The following EPB41L3 variants were observed in gnomAD, a reference collection of about 807,000 sequenced individuals.
The protein encoded by EPB41L3 is band 4.1-like protein 3.
EPB41L3 carries 57 observed loss-of-function variants against 127.1 expected under a neutral mutation model. The ratio of observed to expected loss-of-function variants is 0.45; its 90% CI spans 0.36 to 0.56. The LOEUF is 0.56. EPB41L3 is among the 20% of genes least tolerant of loss of function. The pLI is 0.00. For synonymous variants in EPB41L3, 572 were observed against 549.5 expected (o/e 1.04, Z -0.57); for missense variants, 1,273 against 1,372.2 (o/e 0.93, Z 1.14).
chr18:5,473,939 G>A (rs1192257232), intron 3 of EPB41L3, among the ~76,000 whole-genome samples: 1 of 152,020 alleles, frequency 6.6e-6, no homozygotes, highest in Non-Finnish European at 1.5e-5. Context: ...AATTAGTGAG[G>A]AAAGTCTCTC....
rs114631935 is a variant in EPB41L3 at position 5,452,081 on chromosome 18, G to A, written c.382-6837C>T. ...GGTCACTCGAACTCCCTGACCTCAA[G>A]TGATCCATCCACCTCGGCCTCCCAA... On this transcript the variant is annotated intron_variant, in intron 3 of 22. Transcript: ENST00000341928. Among the ~76,000 whole-genome samples, 1,113 of 152,186 alleles carry A rather than the reference G, an allele frequency of 7.3e-3. 14 individuals carry two copies. The highest frequency in any genetic ancestry group is 0.026 in the African/African-American group (1,065 of 41,502).
At chr18:5,477,621 TTG>T (rs1853795413) in intron 3 of EPB41L3, among the ~76,000 whole-genome samples, 1 of 152,146 alleles carries the variant, frequency 6.6e-6, no homozygotes, top group Admixed American at 6.5e-5. Flanking sequence ...TCCAGACAGG[TTG>T]TGTTCTCAAC....
chr18:5,475,767 T>G (rs1419821738), intron 3 of EPB41L3, among the ~76,000 whole-genome samples: 2 of 152,202 alleles, frequency 1.3e-5, no homozygotes, highest in African/African-American at 2.4e-5. Flanking sequence ...ACTGTCCATT[T>G]CATAATAAAA....
intron 3 of EPB41L3, among the ~76,000 whole-genome samples, chr18:5,465,576 G>A (rs1277578549): frequency 1.3e-5 from 2 of 152,030 alleles, no homozygotes; most frequent in Non-Finnish European, 2.9e-5. Context: ...TTTATGGGGT[G>A]GAAATTCCAT....
chr18:5,488,418 C>G (rs1810731939), intron 2 of EPB41L3, among the ~76,000 whole-genome samples: 1 of 150,414 alleles, frequency 6.6e-6, no homozygotes, highest in East Asian at 2.0e-4. Context: ...CTGTCGGGGA[C>G]TGGGGGGCTA....
intron 14 of EPB41L3, among the ~76,000 whole-genome samples, chr18:5,410,126 G>A (rs2076012556): frequency 6.6e-6 from 1 of 151,720 alleles, no homozygotes; most frequent in Non-Finnish European, 1.5e-5. Flanking sequence ...AAATATATCT[G>A]TATCAAGCCA....
At chr18:5,417,184 A>C (rs17466502) in intron 12 of EPB41L3, among the ~76,000 whole-genome samples, 18,402 of 152,282 alleles carry the variant, frequency 0.12, 1,273 homozygotes, top group Middle Eastern at 0.16. Context: ...GATGCATAAT[A>C]ACAGAAAGAT....
chr18:5,434,462 A>G (rs201619981), intron 6 of EPB41L3, among the ~76,000 whole-genome samples: 45 of 152,346 alleles, frequency 3.0e-4, no homozygotes, highest in Non-Finnish European at 4.1e-4. Flanking sequence ...ACAGTCCCCA[A>G]TACAGTTCCT....
In EPB41L3 at chr18:5,428,391, T is replaced by A. The variant is rs1395521426; in HGVS notation, c.987A>T (p.Ile329=). Residue 329 remains isoleucine, a synonymous_variant, in exon 9 of 23, where the codon ATA becomes ATT. Coordinates refer to ENST00000341928, the MANE Select transcript of EPB41L3 (RefSeq NM_012307.5). ...GAACCTTGGGCCAGGCAAATCTGTT[T>A]ATTCGCAGCCGGTCGCGATATATCA... ...GLLIYRDRLR[I]NRFAWPKVLK... is the part of the protein sequence containing the mutation. 4 of 1,614,230 alleles carry A rather than the reference T, an allele frequency of 2.5e-6. No individual in the cohort carries two copies. Among genetic ancestry groups the A allele is most frequent in the Non-Finnish European group, 2.5e-6 (3 of 1,180,046 alleles).
upstream of EPB41L3, chr18:5,629,101 G>C (rs560354042): frequency 6.6e-6 from 1 of 152,348 alleles, no homozygotes; most frequent in Non-Finnish European, 1.5e-5. Flanking sequence ...CCTTACAGCC[G>C]AGCCACGGGA....
intron 8 of EPB41L3, chr18:5,429,466 G>C (rs181222835): frequency 6.6e-6 from 1 of 152,310 alleles, no homozygotes; most frequent in Admixed American, 6.5e-5. Flanking sequence ...TTGTAAGTGA[G>C]GTCAGAGTCC....
Position 5,454,181 on chromosome 18 carries a change from G to C in EPB41L3, c.382-8937C>G, listed in dbSNP as rs191005575. 2.7e-5 allele frequency among the ~76,000 whole-genome samples: 4 copies of C among 150,600 alleles called. No individual in the cohort carries two copies. The East Asian group carries it at 7.8e-4, about 30-fold the overall frequency. ...TATAACATTGCCTTGAAATTTAAGC[G>C]GAGAGTGTGTTTTTTTTTTGTTTCC... On this transcript the variant is annotated intron_variant, in intron 3 of 22. Coordinates refer to ENST00000341928, the MANE Select transcript of EPB41L3 (RefSeq NM_012307.5).
At chr18:5,569,356 A>G (rs762553740) in intron 3 of EPB41L3, among the ~76,000 whole-genome samples, 3 of 152,202 alleles carry the variant, frequency 2.0e-5, no homozygotes, top group Admixed American at 1.3e-4. Flanking sequence ...TGCTGTGTAC[A>G]TGACTAAAAC....
chr18:5,620,971 T>G (rs1217229186), intron 1 of EPB41L3, among the ~76,000 whole-genome samples: 1 of 152,170 alleles, frequency 6.6e-6, no homozygotes, highest in African/African-American at 2.4e-5. Flanking sequence ...TAAAATTTCT[T>G]GAGCTTACAA....
At chr18:5,566,241 T>C (rs1280482165) in intron 3 of EPB41L3, among the ~76,000 whole-genome samples, 2 of 152,182 alleles carry the variant, frequency 1.3e-5, no homozygotes, top group African/African-American at 4.8e-5. Flanking sequence ...AAAATCTCCT[T>C]AAGCTGATAG....
chr18:5,397,187 T>A lies in EPB41L3; in HGVS notation c.2712A>T (p.Glu904Asp), dbSNP rs372013672. The A allele has an allele frequency of 5.0e-6, 8 of 1,614,048 alleles. No homozygotes were observed. The African/African-American group carries it at 6.7e-5, about 13-fold the overall frequency. Residue 904 changes from glutamate to aspartate, a missense_variant, in exon 18 of 23, where the codon GAA (glutamate) becomes GAT (aspartate). By Grantham distance (45) the Glu-to-Asp change is conservative. Transcript: ENST00000341928. The surrounding 1 kb of genome is among the most constrained non-coding windows in gnomAD (Gnocchi z 4.1). Reference protein sequence around the residue: ...GSALTEGAKEEGGEEVAKAVL... With the variant: ...GSALTEGAKEDGGEEVAKAVL... ...CAGCTTTAGCGACCTCCTCCCCTCC[T>A]TCCTCTTTAGCCCCCTCCGTCAAGG...
chr18:5,423,011 G>T (rs1399035436), intron 11 of EPB41L3, among the ~76,000 whole-genome samples: 2 of 152,088 alleles, frequency 1.3e-5, no homozygotes, highest in Non-Finnish European at 2.9e-5. Flanking sequence ...AAAACAAATG[G>T]TCTTAAACCT....
chr18:5,396,844 A>C (rs1462039771), intron 18 of EPB41L3, among the ~76,000 whole-genome samples: 1 of 152,188 alleles, frequency 6.6e-6, no homozygotes, highest in East Asian at 1.9e-4. Context: ...CCATATTATT[A>C]ATAATTAAGA....
chr18:5,496,840 G>C (rs1326192955), intron 1 of EPB41L3, among the ~76,000 whole-genome samples: 1 of 151,742 alleles, frequency 6.6e-6, no homozygotes, highest in Non-Finnish European at 1.5e-5. Flanking sequence ...CAGCTGTTTT[G>C]AGGCCTAGGG....
Sources: allele counts gnomAD v4.1 joint callset (sites outside exome capture counted in the v4.1 genomes callset), GRCh38; gene constraint gnomAD v4.1.1; non-coding constraint Gnocchi (gnomAD v3.1); transcripts MANE v1.5; gene names NCBI Gene and HGNC (gene_info 2026-07-23, HGNC 2026-07-21).